The following LARGE1 variants were observed in gnomAD, a reference collection of about 807,000 sequenced individuals.
The protein encoded by LARGE1 is xylosyl- and glucuronyltransferase LARGE1.
A neutral mutation model predicts 87.6 loss-of-function variants in LARGE1; 43 were observed. That is an observed-to-expected ratio of 0.49 (90% CI 0.38 to 0.63). The LOEUF (loss-of-function observed/expected upper bound fraction) is 0.63, where lower values mean the gene tolerates loss of function less well. Ranked by LOEUF, LARGE1 falls within the 30% of genes least tolerant of loss-of-function variation. LARGE1 has a pLI of 0.00. For missense variants in LARGE1, 802 were observed against 1,000.2 expected, an observed-to-expected ratio of 0.80 and a Z score of 2.67; for synonymous variants, 434 against 394.6, an observed-to-expected ratio of 1.10 and a Z score of -1.18.
the LARGE1 span, among the ~76,000 whole-genome samples, chr22:33,142,379 T>C: frequency 6.6e-6 from 1 of 152,288 alleles, no homozygotes; most frequent in Middle Eastern, 3.4e-3. Flanking sequence ...CTCGTGGGTC[T>C]ATTGCTTGCT....
At chr22:33,282,672 C>T (rs1002686183) in intron 13 of LARGE1, among the ~76,000 whole-genome samples, 1 of 152,176 alleles carries the variant, frequency 6.6e-6, no homozygotes, top group African/African-American at 2.4e-5. Context: ...AAGCTGGCTG[C>T]CACATGTGCT....
chr22:33,305,496 A>T, intron 11 of LARGE1: 1 of 723,650 alleles, frequency 1.4e-6, no homozygotes, highest in Non-Finnish European at 1.7e-6. Context: ...TATGGCTAAG[A>T]AACAGCAAAA....
intron 1 of LARGE1, among the ~76,000 whole-genome samples, chr22:33,768,322 C>G (rs757174893): frequency 1.2e-4 from 19 of 152,126 alleles, no homozygotes; most frequent in Admixed American, 3.3e-4. Flanking sequence ...AAAACCAAGT[C>G]CTATGGCAGA....
chr22:33,346,428 G>C (rs1939771248), intron 9 of LARGE1, among the ~76,000 whole-genome samples: 1 of 151,870 alleles, frequency 6.6e-6, no homozygotes, highest in African/African-American at 2.4e-5. Flanking sequence ...TCAGCCTCCC[G>C]AGTAGCTGGG....
chr22:33,843,133 T>A (rs148839673), intron 1 of LARGE1, among the ~76,000 whole-genome samples: 34 of 152,270 alleles, frequency 2.2e-4, no homozygotes, highest in African/African-American at 7.9e-4. Context: ...CTGTCCTTGA[T>A]TTTCCGTTCT....
At chr22:33,762,910 C>T (rs2084784179) in intron 1 of LARGE1, among the ~76,000 whole-genome samples, 1 of 152,192 alleles carries the variant, frequency 6.6e-6, no homozygotes, top group Non-Finnish European at 1.5e-5. Flanking sequence ...CAGAGCGGAA[C>T]TCACCCACTG....
At chr22:33,441,656 G>C (rs988809522) in intron 6 of LARGE1, among the ~76,000 whole-genome samples, 2 of 151,972 alleles carry the variant, frequency 1.3e-5, no homozygotes, top group African/African-American at 4.8e-5. Context: ...TGGGGGTCTC[G>C]CTATGTCGCC....
the LARGE1 span, among the ~76,000 whole-genome samples, chr22:33,069,038 G>A: frequency 2.0e-5 from 3 of 152,312 alleles, no homozygotes; most frequent in Non-Finnish European, 4.4e-5. Context: ...CTCTGTGGCA[G>A]AGCCAGGAGG....
chr22:33,631,596 A>G (rs903298366), intron 3 of LARGE1, among the ~76,000 whole-genome samples: 2 of 152,134 alleles, frequency 1.3e-5, no homozygotes, highest in Non-Finnish European at 2.9e-5. Flanking sequence ...GGGCATTAAC[A>G]CACATGGAGC....
chr22:33,137,395 A>AGGTG, the LARGE1 span: 65 of 153,246 alleles, frequency 4.2e-4, no homozygotes, highest in Middle Eastern at 6.8e-3. Context: ...AGCATTCAAG[A>AGGTG]GGTGACTTGG....
At chr22:33,188,319 G>T (rs894664861) in intron 11 of LARGE1, among the ~76,000 whole-genome samples, 6 of 152,178 alleles carry the variant, frequency 3.9e-5, no homozygotes, top group African/African-American at 1.4e-4. Flanking sequence ...CCACCATGTT[G>T]CTGAGGCCCA....
intron 6 of LARGE1, among the ~76,000 whole-genome samples, chr22:33,463,882 C>T (rs1435319703): frequency 6.6e-6 from 1 of 152,134 alleles, no homozygotes; most frequent in Non-Finnish European, 1.5e-5. Context: ...CCATGTTGGC[C>T]AGGCTGGTCT....
At chr22:33,212,471 C>T (rs1442233211) in intron 11 of LARGE1, among the ~76,000 whole-genome samples, 1 of 152,160 alleles carries the variant, frequency 6.6e-6, no homozygotes, top group Non-Finnish European at 1.5e-5. Flanking sequence ...AATATTACTG[C>T]TCATTCACAA....
At chr22:33,901,292 T>C (rs913282255) in intron 1 of LARGE1, among the ~76,000 whole-genome samples, 1 of 152,092 alleles carries the variant, frequency 6.6e-6, no homozygotes, top group Non-Finnish European at 1.5e-5. Flanking sequence ...ACTTCTGGCC[T>C]CCAGAACTGT....
At chr22:33,793,121 C>T (rs553363278) in intron 1 of LARGE1, among the ~76,000 whole-genome samples, 13 of 152,328 alleles carry the variant, frequency 8.5e-5, no homozygotes, top group Non-Finnish European at 1.6e-4. Context: ...CCTACAGCAT[C>T]GCACAGGATA....
At chr22:33,141,682 C>G in the LARGE1 span, among the ~76,000 whole-genome samples, 3 of 152,180 alleles carry the variant, frequency 2.0e-5, no homozygotes, top group African/African-American at 7.2e-5. Context: ...TTGTTCCAAG[C>G]CATTTAAGAC....
chr22:33,693,910 T>C (rs963060311), intron 2 of LARGE1, among the ~76,000 whole-genome samples: 11 of 152,110 alleles, frequency 7.2e-5, no homozygotes, highest in Non-Finnish European at 1.3e-4. Flanking sequence ...CTGTGTGTCA[T>C]GGTAGACTTT....
At chr22:33,842,527 C>A (rs531675970) in intron 1 of LARGE1, among the ~76,000 whole-genome samples, 4 of 152,260 alleles carry the variant, frequency 2.6e-5, no homozygotes, top group African/African-American at 9.6e-5. Context: ...CTGGCACATC[C>A]ACTGTGGCCC....
chr22:33,170,060 T>A (rs1460499102), intron 11 of LARGE1, among the ~76,000 whole-genome samples: 1 of 151,972 alleles, frequency 6.6e-6, no homozygotes, highest in African/African-American at 2.4e-5. Flanking sequence ...CTGGGGTGAT[T>A]AGATCATGAG....
Sources: allele counts gnomAD v4.1 joint callset (sites outside exome capture counted in the v4.1 genomes callset), GRCh38; gene constraint gnomAD v4.1.1; transcripts MANE v1.5; gene names NCBI Gene and HGNC (gene_info 2026-07-23, HGNC 2026-07-21).